The following ATXN1 variants were observed in gnomAD, a reference collection of about 807,000 sequenced individuals.
The protein encoded by ATXN1 is ataxin-1.
Under a neutral mutation model 56.4 loss-of-function variants are expected in ATXN1, and 8 were observed. The ratio of observed to expected loss-of-function variants is 0.14; its 90% confidence interval spans 0.08 to 0.26. ATXN1 has a LOEUF of 0.26. ATXN1 is among the 10% of genes least tolerant of loss of function. The probability of loss-of-function intolerance (pLI) is 1.00; values close to 1 mark genes in which losing one functional copy is unlikely to be tolerated. For synonymous variants in ATXN1, 514 were observed against 494.6 expected, an observed-to-expected ratio of 1.04 and a Z score of -0.52; for missense variants, 987 against 1,106.5, an observed-to-expected ratio of 0.89 and a Z score of 1.53.
chr6:16,569,441 C>T (rs1762290177), intron 4 of ATXN1, among the ~76,000 whole-genome samples: 2 of 150,908 alleles, frequency 1.3e-5, no homozygotes, highest in African/African-American at 2.4e-5. Context: ...ACAGGAGAAT[C>T]GCTTGAACCC....
At position 16,501,669 on chromosome 6, in the gene ATXN1, T is replaced by G. The variant is rs557183765; in HGVS notation, c.-298-15560A>C. Among the ~76,000 whole-genome samples the G allele has an allele frequency of 2.1e-4, 32 of 152,342 alleles. No individual in the cohort carries two copies. In the East Asian group the frequency reaches 3.5e-3, roughly 17 times the overall value. ...ACATGAGCTCATTCTTTTTTATGGC[T>G]GCATAGTATTCCATGGTGTATATTT... is the stretch of plus-strand genomic sequence containing the variant. On this transcript the variant is annotated intron_variant, in intron 5 of 7. Coordinates refer to ENST00000436367, the MANE Select transcript of ATXN1 (RefSeq NM_001128164.2).
intron 3 of ATXN1, among the ~76,000 whole-genome samples, chr6:16,613,173 G>A (rs930722049): frequency 2.0e-5 from 3 of 148,276 alleles, no homozygotes; most frequent in African/African-American, 7.4e-5. Context: ...GCTGAGGCAG[G>A]AGAATGGCGT....
intron 6 of ATXN1, among the ~76,000 whole-genome samples, chr6:16,333,576 CTG>C (rs1171562012): frequency 6.6e-6 from 1 of 152,224 alleles, no homozygotes; most frequent in Non-Finnish European, 1.5e-5. Flanking sequence ...ACCCCCAATC[CTG>C]TGCTTCTCAG....
chr6:16,418,480 A>C (rs1304400420), intron 6 of ATXN1, among the ~76,000 whole-genome samples: 2 of 152,206 alleles, frequency 1.3e-5, no homozygotes, highest in Admixed American at 1.3e-4. Context: ...CACATGTCAA[A>C]TCAAAGAAGG....
chr6:16,441,045 T>A (rs185702707), intron 6 of ATXN1, among the ~76,000 whole-genome samples: 407 of 152,144 alleles, frequency 2.7e-3, no homozygotes, highest in Non-Finnish European at 2.8e-3. Context: ...GGTGAGCTAT[T>A]TTGAGCACAG....
chr6:16,360,726 A>G (rs1029441055), intron 6 of ATXN1, among the ~76,000 whole-genome samples: 5 of 152,204 alleles, frequency 3.3e-5, no homozygotes, highest in Non-Finnish European at 7.3e-5. Flanking sequence ...GAGATCCTAT[A>G]AGGTCAGGCA....
chr6:16,676,819 C>G (rs1463945202), intron 2 of ATXN1, among the ~76,000 whole-genome samples: 1 of 152,100 alleles, frequency 6.6e-6, no homozygotes, highest in Non-Finnish European at 1.5e-5. Context: ...CTGACCTCTA[C>G]TCTGGAATGT....
chr6:16,594,116 T>C (rs969254117), intron 3 of ATXN1, among the ~76,000 whole-genome samples: 10 of 148,806 alleles, frequency 6.7e-5, no homozygotes. Flanking sequence ...TATATTAGTC[T>C]AATTAATATA....
chr6:16,313,906 T>C (rs1760454713), intron 7 of ATXN1, among the ~76,000 whole-genome samples: 1 of 152,182 alleles, frequency 6.6e-6, no homozygotes, highest in Non-Finnish European at 1.5e-5. Flanking sequence ...GCTTGGGAGA[T>C]TCTTCTTTAA....
chr6:16,516,631 T>C (rs1761188419), intron 5 of ATXN1, among the ~76,000 whole-genome samples: 1 of 152,238 alleles, frequency 6.6e-6, no homozygotes, highest in Non-Finnish European at 1.5e-5. Flanking sequence ...TTTATTTTGC[T>C]AAGCTACTGA....
At chr6:16,449,818 G>A (rs960777496) in intron 6 of ATXN1, among the ~76,000 whole-genome samples, 2 of 152,104 alleles carry the variant, frequency 1.3e-5, no homozygotes, top group Non-Finnish European at 2.9e-5. Context: ...TTATTTTAGG[G>A]AATCAGGGTT....
chr6:16,495,014 C>T (rs1760751892), intron 5 of ATXN1, among the ~76,000 whole-genome samples: 1 of 152,144 alleles, frequency 6.6e-6, no homozygotes, highest in African/African-American at 2.4e-5. Flanking sequence ...TTTATTCATG[C>T]CTGCTTGAAA....
At chr6:16,478,721 T>C (rs550503354) in intron 6 of ATXN1, among the ~76,000 whole-genome samples, 62 of 152,182 alleles carry the variant, frequency 4.1e-4, no homozygotes, top group African/African-American at 1.2e-3. Flanking sequence ...CTGGAGAAAT[T>C]ACATTTTTTT....
chr6:16,585,277 C>T (rs570747793), intron 4 of ATXN1, among the ~76,000 whole-genome samples: 9 of 151,918 alleles, frequency 5.9e-5, no homozygotes, highest in South Asian at 4.2e-4. Flanking sequence ...AAATTAGAAA[C>T]GGCTAACTGT....
chr6:16,552,953 G>A (rs943065422), intron 4 of ATXN1, among the ~76,000 whole-genome samples: 4 of 152,198 alleles, frequency 2.6e-5, no homozygotes, highest in Non-Finnish European at 4.4e-5. Flanking sequence ...TCATTAAAAC[G>A]CCAGAGAACC....
At chr6:16,314,015 A>G (rs369025784) in intron 7 of ATXN1, among the ~76,000 whole-genome samples, 67 of 152,198 alleles carry the variant, frequency 4.4e-4, no homozygotes, top group African/African-American at 1.6e-3. Flanking sequence ...CCACGACCAG[A>G]TATCAGCTGG....
rs1561801382 is a variant in ATXN1, at chr6:16,669,835, A to G, written c.-614-11934T>C. 2.0e-5 allele frequency among the ~76,000 whole-genome samples: 3 copies of G among 152,098 alleles called. No individual in the cohort carries two copies. The South Asian group carries it at 6.2e-4, about 32-fold the overall frequency. ...GGTATTTGTCCAAATGGAACTCAGCAGTCAGCAAAATATATTAAATTTGTC... is the reference window on the plus strand; with the variant it reads ...GGTATTTGTCCAAATGGAACTCAGCGGTCAGCAAAATATATTAAATTTGTC... On this transcript the variant is annotated intron_variant, in intron 2 of 7. Coordinates refer to ENST00000436367, the MANE Select transcript of ATXN1 (RefSeq NM_001128164.2).
rs1268915994 is a variant in ATXN1 at position 16,299,708 on chromosome 6, G to GGAAAT, written c.*6616_*6620dup. Reference sequence around the variant, plus strand: ...CTCTGGAGCCAGGACTCCACTGGCTGGAAATGAAGACTGTCTAATCTGAAG... The same window carrying GGAAAT: ...CTCTGGAGCCAGGACTCCACTGGCTGGAAATGAAATGAAGACTGTCTAATCTGAAG... On this transcript the variant is annotated 3_prime_UTR_variant, in exon 8 of 8. Coordinates refer to ENST00000436367, the MANE Select transcript of ATXN1 (RefSeq NM_001128164.2). 1.3e-5 allele frequency: 2 copies of GGAAAT among 152,598 alleles called. No individual in the cohort carries two copies. Among genetic ancestry groups the GGAAAT allele is most frequent in the African/African-American group, 4.8e-5 (2 of 41,418 alleles). 9.5% of individuals were successfully genotyped at this position (152,598 alleles called of 1,614,324 possible).
intron 6 of ATXN1, among the ~76,000 whole-genome samples, chr6:16,348,968 A>G (rs1166498611): frequency 6.6e-6 from 1 of 152,182 alleles, no homozygotes; most frequent in Non-Finnish European, 1.5e-5. Flanking sequence ...TCTCTGATCT[A>G]AGTACTAACC....
Sources: allele counts gnomAD v4.1 joint callset (sites outside exome capture counted in the v4.1 genomes callset), GRCh38; gene constraint gnomAD v4.1.1; transcripts MANE v1.5; gene names NCBI Gene and HGNC (gene_info 2026-07-23, HGNC 2026-07-21).